The following WDR3 variants were observed in gnomAD, a reference collection of about 807,000 sequenced individuals.
WDR3 encodes WD repeat domain 3, also known as WD repeat-containing protein 3.
A neutral mutation model predicts 123.7 loss-of-function variants in WDR3; 81 were observed. The observed-to-expected ratio is 0.65, with a 90% confidence interval of 0.55 to 0.79. The LOEUF (loss-of-function observed/expected upper bound fraction) is 0.79, where lower values mean the gene tolerates loss of function less well. WDR3 is among the 30% of genes least tolerant of loss of function. The pLI is 0.00. For synonymous variants in WDR3, 390 were observed against 388.8 expected (o/e 1.00, Z -0.04); for missense variants, 1,027 against 1,123.2 (o/e 0.91, Z 1.22).
At chr1:117,951,894 A>C in intron 16 of WDR3, 82 bp from the exon 17 acceptor site, 1 of 1,301,938 alleles carries the variant, frequency 7.7e-7, no homozygotes, top group Non-Finnish European at 1.1e-6. Context: ...TTTGAAAGAA[A>C]TGGGTTAAAT....
At chr1:117,950,687 T>G in intron 15 of WDR3, 147 bp from the exon 16 acceptor site, 1 of 684,274 alleles carries the variant, frequency 1.5e-6, no homozygotes, top group Non-Finnish European at 2.5e-6. Context: ...CAGGTACTCC[T>G]GCCAAGCTGT....
chr1:117,934,667 G>C lies in WDR3; in HGVS notation c.366G>C (p.Leu122=), dbSNP rs780092570. Residue 122 remains leucine, a synonymous_variant, in exon 3 of 27, where the codon CTG becomes CTC. Coordinates refer to ENST00000349139, the MANE Select transcript of WDR3 (RefSeq NM_006784.3). The part of the protein sequence containing the change: ...TLKYDQLGGR[L]ASGSKDTDII... ...AGTATGATCAGCTAGGAGGCAGACT[G>C]GCATCTGGGTCCAAGGTGAGCCTTT... is the stretch of plus-strand genomic sequence containing the variant. 7 of 1,613,166 alleles carry C rather than the reference G, an allele frequency of 4.3e-6. No homozygotes were observed. The highest frequency in any genetic ancestry group is 5.9e-6 in the Non-Finnish European group (7 of 1,179,894).
Position 117,963,947 on chromosome 1 carries a change from CTTG to C in WDR3, c.*4503_*4505del. Reference sequence around the variant, plus strand: ...GCTGCTTGTTAAAACAGGTAAAATACTTGTTAAGGGCTGTGCTTTTCATGACTA... The same window carrying C: ...GCTGCTTGTTAAAACAGGTAAAATACTTAAGGGCTGTGCTTTTCATGACTA... On this transcript the variant is annotated 3_prime_UTR_variant, in exon 27 of 27. Coordinates refer to ENST00000349139, the MANE Select transcript of WDR3 (RefSeq NM_006784.3). 5 of 1,612,602 alleles carry C rather than the reference CTTG, an allele frequency of 3.1e-6. No individual in the cohort carries two copies. The highest frequency in any genetic ancestry group is 4.2e-6 in the Non-Finnish European group (5 of 1,179,222).
intron 2 of WDR3, chr1:117,933,854 A>G: frequency 3.7e-6 from 1 of 271,994 alleles, no homozygotes; most frequent in South Asian, 3.8e-5. Flanking sequence ...TGTAAAAGGA[A>G]GGTTAGTCTA....
At chr1:117,955,450 G>C (rs996337911) in intron 24 of WDR3, 92 bp downstream of exon 24, 2 of 1,218,178 alleles carry the variant, frequency 1.6e-6, no homozygotes, top group African/African-American at 3.1e-5. Context: ...AATTATAATT[G>C]ATGGTTATCT....
In WDR3 at chr1:117,958,907, C is replaced by G; in HGVS notation, c.2583-3C>G. On this transcript the variant is annotated splice_polypyrimidine_tract_variant and splice_region_variant and intron_variant, in intron 25 of 26. Coordinates refer to ENST00000349139, the MANE Select transcript of WDR3 (RefSeq NM_006784.3). The stretch of plus-strand genomic sequence containing the variant: ...ACATGGCTGTGTTTTGTTTTTCTAT[C>G]AGGATTCACTTTGGACAGATCACTA... 1 of 1,611,646 alleles carries G rather than the reference C, an allele frequency of 6.2e-7. No homozygotes were observed. Among genetic ancestry groups the G allele is most frequent in the Non-Finnish European group, 8.5e-7 (1 of 1,178,952 alleles).
intron 15 of WDR3, 23 bp from the exon 16 acceptor site, chr1:117,950,807 CATTA>C (rs772973924): frequency 1.5e-5 from 24 of 1,581,418 alleles, no homozygotes; most frequent in African/African-American, 2.7e-5. Flanking sequence ...TATAGACAGA[CATTA>C]ATTATGTTTT....
chr1:117,952,584 A>G lies in WDR3; in HGVS notation c.2073A>G (p.Val691=), dbSNP rs754171976. Residue 691 remains valine (V), a synonymous_variant, in exon 19 of 27, where the codon GTA becomes GTG. Coordinates refer to ENST00000349139, the MANE Select transcript of WDR3 (RefSeq NM_006784.3). The stretch of plus-strand genomic sequence containing the variant: ...TAAGCCCCAGTGGAGACTATGTTGT[A>G]TCATCGTCCCATGACAAATCTCTGA... ...LAVSPSGDYV[V]SSSHDKSLRL... 2.2e-5 allele frequency: 36 copies of G among 1,613,658 alleles called. No homozygotes were observed. The East Asian group carries it at 2.7e-4, about 12-fold the overall frequency.
rs1653212351 is a variant in WDR3, at chr1:117,962,350, TTCA to T, written c.*2905_*2907del. ...CAAATTTCTAGTCATTAAGTCAGTA[TTCA>T]TTGCCTTAGTCAGCCATTGGCTGTA... is the stretch of plus-strand genomic sequence containing the variant. On this transcript the variant is annotated 3_prime_UTR_variant, in exon 27 of 27. Transcript: ENST00000349139. 1 of 152,230 alleles carries T rather than the reference TTCA, an allele frequency of 6.6e-6. No individual in the cohort carries two copies. The highest frequency in any genetic ancestry group is 6.5e-5 in the Admixed American group (1 of 15,280). The allele number at this position is 152,230 out of a possible 1,614,324, so 9.4% of individuals were successfully genotyped here. A position where few individuals can be genotyped will look rare whatever the true frequency, so the allele number is the denominator to read the frequency against.
chr1:117,936,933 G>C (rs202047582), intron 4 of WDR3, 46 bp downstream of exon 4: 1 of 1,551,510 alleles, frequency 6.4e-7, no homozygotes, highest in Non-Finnish European at 8.9e-7. Flanking sequence ...TAGGAAGAGA[G>C]AATTTGCTTT....
In WDR3 at chr1:117,965,960, C is replaced by T. The variant is rs947529210; in HGVS notation, c.*6513C>T. On this transcript the variant is annotated 3_prime_UTR_variant, in exon 27 of 27. Transcript: ENST00000349139. ...GTTCATTATTTTTACTTAAAGTTCC[C>T]GTCAATCAAGTTTTCACATTCTATA... 2.0e-5 allele frequency: 3 copies of T among 152,096 alleles called. No homozygotes were observed. Among genetic ancestry groups the T allele is most frequent in the African/African-American group, 4.8e-5 (2 of 41,416 alleles). The allele number at this position is 152,096 out of a possible 1,614,324, so 9.4% of individuals were successfully genotyped here.
At chr1:117,954,196 C>A (rs914064624) in intron 22 of WDR3, 97 bp downstream of exon 22, 24 of 988,954 alleles carry the variant, frequency 2.4e-5, no homozygotes, top group Middle Eastern at 5.2e-4. Context: ...TCAGGATATG[C>A]AATAAATGGA....
At chr1:117,949,071 A>G (rs1651510046) in intron 13 of WDR3, among the ~76,000 whole-genome samples, 1 of 152,166 alleles carries the variant, frequency 6.6e-6, no homozygotes, top group African/African-American at 2.4e-5. Flanking sequence ...TGAAAGTAGA[A>G]CTTAGTTTTG....
chr1:117,941,157 A>G lies in WDR3; in HGVS notation c.823A>G (p.Met275Val). ...ILSCRKAGSI[M>V]REGRDRVVNL... ...TTCATGCAGAAAAGCTGGTTCCATA[A>G]TGCGGGAAGGAAGAGACAGAGTTGT... Residue 275 changes from methionine (M) to valine (V), a missense_variant, in exon 8 of 27, where the codon ATG (methionine) becomes GTG (valine). Coordinates refer to ENST00000349139, the MANE Select transcript of WDR3 (RefSeq NM_006784.3). The G allele has an allele frequency of 6.2e-7, 1 of 1,614,156 alleles. No individual in the cohort carries two copies. The highest frequency in any genetic ancestry group is 8.5e-7 in the Non-Finnish European group (1 of 1,180,020).
In WDR3 at chr1:117,950,727, T is replaced by C. The variant is rs1338730809; in HGVS notation, c.1747-107T>C. On this transcript the variant is annotated intron_variant, in intron 15 of 26. Transcript: ENST00000349139. Reference sequence around the variant, plus strand: ...TGTGGGTTGTCTTTGAAAATACAGATATAAAGCAATTTAAAAATGTGTTTA... The same window carrying C: ...TGTGGGTTGTCTTTGAAAATACAGACATAAAGCAATTTAAAAATGTGTTTA... 7 of 989,830 alleles carry C rather than the reference T, an allele frequency of 7.1e-6. No homozygotes were observed. In the East Asian group the frequency reaches 1.8e-4, roughly 25 times the overall value. The allele number at this position is 989,830 out of a possible 1,614,324, so 61.3% of individuals were successfully genotyped here.
At chr1:117,929,914 G>C (rs1036358038) in intron 1 of WDR3, 132 bp downstream of exon 1, 1 of 152,350 alleles carries the variant, frequency 6.6e-6, no homozygotes, top group African/African-American at 2.4e-5. Context: ...GCTAGGGCTG[G>C]GGGAACTCAG....
At chr1:117,949,309 T>C (rs1021269231) in intron 13 of WDR3, among the ~76,000 whole-genome samples, 1 of 152,184 alleles carries the variant, frequency 6.6e-6, no homozygotes, top group Non-Finnish European at 1.5e-5. Context: ...TACTTTACAC[T>C]AACACTGCCA....
rs763528561 is a variant in WDR3, at chr1:117,941,756, G to A, written c.898G>A (p.Asp300Asn). The A allele has an allele frequency of 3.1e-6, 5 of 1,610,064 alleles. No individual in the cohort carries two copies. The Admixed American group carries it at 8.5e-5, about 27-fold the overall frequency. ...TAACCTTTTGCCTTTCTAGGGAACT[G>A]ACTCTGTGCTAGAATTGTTTTGTAT... is the stretch of plus-strand genomic sequence containing the variant. Reference protein sequence around the residue: ...TGRILACHGTDSVLELFCILS... With the variant: ...TGRILACHGTNSVLELFCILS... The change falls in exon 9 of 27, where the codon GAC (aspartate) becomes AAC (asparagine). Residue 300 changes from aspartate (D) to asparagine (N), a missense_variant. Transcript: ENST00000349139.
At position 117,966,295 on chromosome 1, in the gene WDR3, C is replaced by T. The variant is rs1333490218; in HGVS notation, c.*6848C>T. The T allele has an allele frequency of 4.9e-6, 1 of 203,848 alleles. No homozygotes were observed. The allele number at this position is 203,848 out of a possible 1,614,324, so 12.6% of individuals were successfully genotyped here. A position where few individuals can be genotyped will look rare whatever the true frequency, so the allele number is the denominator to read the frequency against. ...TTATAATAATAAGGTATTTCCTATC[C>T]TTCCATAAAATTATAATTTTTTTGT... On this transcript the variant is annotated 3_prime_UTR_variant, in exon 27 of 27. Transcript: ENST00000349139.
Sources: gnomAD v4.1 joint callset for allele counts (sites outside exome capture counted in the v4.1 genomes callset) on GRCh38, gnomAD v4.1.1 for gene constraint, MANE v1.5 for transcripts, NCBI Gene and HGNC (gene_info 2026-07-23, HGNC 2026-07-21) for gene names.